The following DCTN5 variants were observed in gnomAD, a reference collection of about 807,000 sequenced individuals.
DCTN5 encodes dynactin 4.
A neutral mutation model predicts 23.5 loss-of-function variants in DCTN5; 14 were observed. The ratio of observed to expected loss-of-function variants is 0.60; its 90% CI spans 0.39 to 0.93. The LOEUF (loss-of-function observed/expected upper bound fraction) is 0.93, where lower values mean the gene tolerates loss of function less well. Ranked by LOEUF, DCTN5 falls within the 40% of genes least tolerant of loss-of-function variation. DCTN5 has a pLI of 0.00. For synonymous variants in DCTN5, 67 were observed against 79.6 expected, an observed-to-expected ratio of 0.84 and a Z score of 0.84; for missense variants, 156 against 225.9, an observed-to-expected ratio of 0.69 and a Z score of 1.98.
At position 23,676,992 on chromosome 16, in the gene DCTN5, G is replaced by A. The variant is rs1025995807; in HGVS notation, c.*9848G>A. 6.6e-6 allele frequency: 1 copy of A among 152,254 alleles called. No homozygotes were observed. Among genetic ancestry groups the A allele is most frequent in the African/African-American group, 2.4e-5 (1 of 41,464 alleles). The allele number at this position is 152,254 out of a possible 1,614,324, so 9.4% of individuals were successfully genotyped here. A position where few individuals can be genotyped will look rare whatever the true frequency, so the allele number is the denominator to read the frequency against. ...GAGGATGAGGTGAGCAGCTCCCAAT[G>A]AGAACCCTGAACACTGAGTCTGTAA... On this transcript the variant is annotated 3_prime_UTR_variant, in exon 6 of 6. Coordinates refer to ENST00000300087, the MANE Select transcript of DCTN5 (RefSeq NM_032486.4).
At chr16:23,649,565 A>G (rs371864859) in intron 2 of DCTN5, among the ~76,000 whole-genome samples, 1 of 152,190 alleles carries the variant, frequency 6.6e-6, no homozygotes, top group Non-Finnish European at 1.5e-5. Context: ...GTTATAGACC[A>G]GGTGCAGTGG....
At position 23,642,043 on chromosome 16, in the gene DCTN5, T is replaced by G. The variant is rs528668360; in HGVS notation, c.48+453T>G. ...GCCTCCCGGGTTCAAGCGATTCTCC[T>G]GCCTCAGCGTCTCGAGTAGCTGGGA... is the stretch of plus-strand genomic sequence containing the variant. On this transcript the variant is annotated intron_variant, in intron 1 of 5. Coordinates refer to ENST00000300087, the MANE Select transcript of DCTN5 (RefSeq NM_032486.4). Among the ~76,000 whole-genome samples, 414 of 152,260 alleles carry G rather than the reference T, an allele frequency of 2.7e-3. 1 individual carries two copies. The highest frequency in any genetic ancestry group is 4.5e-3 in the Non-Finnish European group (308 of 68,016).
rs1282797881 is a variant in DCTN5, at chr16:23,658,504, C to G, written c.118-3C>G. 6.2e-7 allele frequency: 1 copy of G among 1,610,274 alleles called. No homozygotes were observed. The highest frequency in any genetic ancestry group is 1.1e-5 in the South Asian group (1 of 90,982). ...ATTTTTTAAAATTTGCTTCGTCTTA[C>G]AGACCATTGTGATGAATGACTGTAT... On this transcript the variant is annotated splice_region_variant and splice_polypyrimidine_tract_variant and intron_variant, in intron 2 of 5. Coordinates refer to ENST00000300087, the MANE Select transcript of DCTN5 (RefSeq NM_032486.4).
intron 2 of DCTN5, among the ~76,000 whole-genome samples, chr16:23,649,491 C>G (rs1202293557): frequency 6.6e-6 from 1 of 152,048 alleles, no homozygotes; most frequent in African/African-American, 2.4e-5. Flanking sequence ...TAAGCATTTC[C>G]CCTATGTTTT....
intron 2 of DCTN5, among the ~76,000 whole-genome samples, chr16:23,643,719 T>G (rs1027086857): frequency 4.2e-4 from 64 of 152,060 alleles, no homozygotes; most frequent in African/African-American, 1.5e-3. Context: ...AATAATTCAC[T>G]ATTAACTGAA....
intron 2 of DCTN5, chr16:23,651,085 G>A: frequency 7.4e-7 from 1 of 1,353,672 alleles, no homozygotes. Context: ...TGTCCTTCCT[G>A]TAGGAGATAG....
At chr16:23,658,343 A>G (rs1032375135) in intron 2 of DCTN5, among the ~76,000 whole-genome samples, 164 bp from the exon 3 acceptor site, 1 of 152,266 alleles carries the variant, frequency 6.6e-6, no homozygotes, top group African/African-American at 2.4e-5. Context: ...TCATGAGGGC[A>G]GTTCTCTTTT....
intron 2 of DCTN5, among the ~76,000 whole-genome samples, chr16:23,645,107 A>T (rs548020802): frequency 6.8e-5 from 2 of 29,496 alleles, no homozygotes; most frequent in Non-Finnish European, 1.3e-4. Context: ...ATATATATAT[A>T]TATATATATA....
intron 4 of DCTN5, 24 bp downstream of exon 4, chr16:23,661,305 A>C: frequency 5.7e-6 from 9 of 1,565,462 alleles, no homozygotes; most frequent in Non-Finnish European, 7.9e-6. Flanking sequence ...CTTGGCTGGC[A>C]AAGCAGCTTC....
Position 23,645,552 on chromosome 16 carries a change from C to T in DCTN5, c.117+2529C>T, listed in dbSNP as rs145663901. Among the ~76,000 whole-genome samples the T allele has an allele frequency of 2.0e-4, 31 of 152,264 alleles. 1 individual carries two copies. The highest frequency in any genetic ancestry group is 3.2e-4 in the Non-Finnish European group (22 of 68,020). On this transcript the variant is annotated intron_variant, in intron 2 of 5. Transcript: ENST00000300087. Reference sequence around the variant, plus strand: ...AAAACTCTACACATTAAGGAATACACGCCCATTCCCTACTTCCTTCCATTG... The same window carrying T: ...AAAACTCTACACATTAAGGAATACATGCCCATTCCCTACTTCCTTCCATTG...
chr16:23,649,760 C>A (rs537194036), intron 2 of DCTN5, among the ~76,000 whole-genome samples: 1 of 151,206 alleles, frequency 6.6e-6, no homozygotes, highest in East Asian at 1.9e-4. Flanking sequence ...ATCACTTGAA[C>A]CCAGGAGGCA....
At chr16:23,661,306 A>G (rs774961207) in intron 4 of DCTN5, 25 bp downstream of exon 4, 3 of 1,557,430 alleles carry the variant, frequency 1.9e-6, no homozygotes, top group Admixed American at 1.7e-5. Context: ...TTGGCTGGCA[A>G]AGCAGCTTCA....
rs1968062702 is a variant in DCTN5, at chr16:23,674,674, CA to C, written c.*7534del. On this transcript the variant is annotated 3_prime_UTR_variant, in exon 6 of 6. Transcript: ENST00000300087. ...TAGTCTGCTCATTGAATAATCAGGA[CA>C]AAAGGGGTAGAAGATTATGTAAACA... is the stretch of plus-strand genomic sequence containing the variant. 1 of 152,176 alleles carries C rather than the reference CA, an allele frequency of 6.6e-6. No homozygotes were observed. Among genetic ancestry groups the C allele is most frequent in the Non-Finnish European group, 1.5e-5 (1 of 68,028 alleles). 9.4% of individuals were successfully genotyped at this position (152,176 alleles called of 1,614,324 possible). A position where few individuals can be genotyped will look rare whatever the true frequency, so the allele number is the denominator to read the frequency against.
chr16:23,655,045 C>T (rs8062506), intron 2 of DCTN5, among the ~76,000 whole-genome samples: 9,651 of 152,236 alleles, frequency 0.063, 648 homozygotes, highest in African/African-American at 0.16. Flanking sequence ...TTTATCCTTT[C>T]GCCCATTCAT....
chr16:23,645,120 TATATA>T (rs1967417622), intron 2 of DCTN5, among the ~76,000 whole-genome samples: 1 of 43,056 alleles, frequency 2.3e-5, no homozygotes, highest in Non-Finnish European at 4.3e-5. Flanking sequence ...TATATATATA[TATATA>T]TATATATATA....
At chr16:23,647,802 C>T (rs547918990) in intron 2 of DCTN5, among the ~76,000 whole-genome samples, 7 of 152,240 alleles carry the variant, frequency 4.6e-5, no homozygotes, top group African/African-American at 1.4e-4. Flanking sequence ...GCCACCATGC[C>T]TGGCTACCTT....
At chr16:23,665,583 C>G (rs371924708) in intron 4 of DCTN5, 43 bp from the exon 5 acceptor site, 9 of 1,564,408 alleles carry the variant, frequency 5.8e-6, no homozygotes, top group African/African-American at 1.4e-5. Flanking sequence ...GCCTTTCACA[C>G]AGTAGACTGA....
At chr16:23,664,619 G>A (rs1027905050) in intron 4 of DCTN5, among the ~76,000 whole-genome samples, 2 of 152,190 alleles carry the variant, frequency 1.3e-5, no homozygotes, top group African/African-American at 2.4e-5. Flanking sequence ...AGATACAGCT[G>A]TAAACTGTAC....
chr16:23,662,727 C>G (rs762272837), intron 4 of DCTN5, among the ~76,000 whole-genome samples: 16 of 152,182 alleles, frequency 1.1e-4, no homozygotes, highest in African/African-American at 3.4e-4. Context: ...CATCTCTCCC[C>G]TCACCCTAAT....
Sources: gnomAD v4.1 joint callset for allele counts (sites outside exome capture counted in the v4.1 genomes callset) on GRCh38, gnomAD v4.1.1 for gene constraint, MANE v1.5 for transcripts, NCBI Gene and HGNC (gene_info 2026-07-23, HGNC 2026-07-21) for gene names.